Variants in UNC13B observed in about 807,000 individuals in gnomAD.
The protein encoded by UNC13B is unc-13 homolog B.
In UNC13B, 144 loss-of-function variants were observed where a neutral mutation model predicts 211.0. The ratio of observed to expected loss-of-function variants is 0.68; its 90% CI spans 0.60 to 0.78. The LOEUF (loss-of-function observed/expected upper bound fraction) is 0.78. Among genes scored for constraint, UNC13B ranks in the 30% least tolerant of loss-of-function variants. The pLI, the probability that UNC13B is intolerant of heterozygous loss-of-function variation, is 0.00. For synonymous variants in UNC13B, 709 were observed against 725.8 expected (o/e 0.98, Z 0.37); for missense variants, 1,777 against 2,002.0 (o/e 0.89, Z 2.14).
chr9:35,302,300 A>G lies in UNC13B; in HGVS notation c.2896A>G (p.Ile966Val), dbSNP rs1013641637. The change falls in exon 9 of 40, where the codon ATA becomes GTA. Residue 966 changes from isoleucine to valine, a missense_variant. Coordinates refer to ENST00000635942, the MANE Select transcript of UNC13B (RefSeq NM_001371189.2). ...TCCTGAAGATGCCAAACTTAATTCA[A>G]TAAAATCTAGTTCAGTTCCAAATAT... ...NCPEDAKLNS[I>V]KSSSVPNIHD... 4 of 398,566 alleles carry G rather than the reference A, an allele frequency of 1.0e-5. No individual in the cohort carries two copies. Among genetic ancestry groups the G allele is most frequent in the East Asian group, 3.6e-5 (1 of 28,042 alleles). The allele number at this position is 398,566 out of a possible 1,614,324, so 24.7% of individuals were successfully genotyped here.
chr9:35,172,836 G>T (rs915837349), intron 1 of UNC13B, among the ~76,000 whole-genome samples: 4 of 152,224 alleles, frequency 2.6e-5, no homozygotes, highest in Admixed American at 2.6e-4. Flanking sequence ...GAGGAAGTTT[G>T]TGCTAAGGTG....
intron 1 of UNC13B, among the ~76,000 whole-genome samples, chr9:35,189,613 C>T (rs951202726): frequency 1.3e-5 from 2 of 152,156 alleles, no homozygotes; most frequent in East Asian, 3.9e-4. Flanking sequence ...ACACAACACA[C>T]ATATAGCAAC....
At position 35,303,287 on chromosome 9, in the gene UNC13B, G is replaced by A. The variant is rs1205824465; in HGVS notation, c.3883G>A (p.Ala1295Thr). 1.5e-5 allele frequency: 6 copies of A among 398,438 alleles called. No individual in the cohort carries two copies. Among genetic ancestry groups the A allele is most frequent in the Non-Finnish European group, 1.8e-5 (4 of 225,804 alleles). The allele number at this position is 398,438 out of a possible 1,614,324, so 24.7% of individuals were successfully genotyped here. A position where few individuals can be genotyped will look rare whatever the true frequency, so the allele number is the denominator to read the frequency against. Residue 1295 changes from alanine (A) to threonine (T), a missense_variant, in exon 9 of 40, where the codon GCT becomes ACT. Physicochemically the swap from Ala to Thr is moderately conservative, Grantham distance 58. Coordinates refer to ENST00000635942, the MANE Select transcript of UNC13B (RefSeq NM_001371189.2). ...CTCTGAGAACATTGTACTTCACTGTGCTCCAAGTGCTCAGCTAGGTTTTTT... is the reference window on the plus strand; with the variant it reads ...CTCTGAGAACATTGTACTTCACTGTACTCCAAGTGCTCAGCTAGGTTTTTT... ...PSSENIVLHC[A>T]PSAQLGFLEK...
rs1463305133 is a variant in UNC13B at position 35,370,306 on chromosome 9, TTC to T, written c.9462-7_9462-6del. ...AGACTGACGGTCCTGACATATTTTC[TTC>T]TCTCCTCAGGCCAGCCGGAGGGCTC... On this transcript the variant is annotated splice_polypyrimidine_tract_variant and intron_variant, in intron 12 of 39. Transcript: ENST00000635942. 1 of 1,613,368 alleles carries T rather than the reference TTC, an allele frequency of 6.2e-7. No individual in the cohort carries two copies. Among genetic ancestry groups the T allele is most frequent in the East Asian group, 2.2e-5 (1 of 44,878 alleles).
chr9:35,290,989 T>G, intron 7 of UNC13B: 1 of 1,421,342 alleles, frequency 7.0e-7, no homozygotes, highest in Non-Finnish European at 9.7e-7. Context: ...TAATAATTGC[T>G]GAGATGGGGA....
At chr9:35,339,333 G>A (rs908942809) in intron 11 of UNC13B, among the ~76,000 whole-genome samples, 1 of 152,120 alleles carries the variant, frequency 6.6e-6, no homozygotes, top group African/African-American at 2.4e-5. Flanking sequence ...CCATCCTTTC[G>A]GCCTACTCAG....
At chr9:35,169,212 G>C (rs893162458) in intron 1 of UNC13B, among the ~76,000 whole-genome samples, 9 of 152,130 alleles carry the variant, frequency 5.9e-5, no homozygotes, top group African/African-American at 1.9e-4. Context: ...AAAATTAGCT[G>C]TGCGTGTTGA....
At position 35,390,633 on chromosome 9, in the gene UNC13B, C is replaced by G; in HGVS notation, c.11227C>G (p.Pro3743Ala). 1 of 1,613,826 alleles carries G rather than the reference C, an allele frequency of 6.2e-7. No individual in the cohort carries two copies. Among genetic ancestry groups the G allele is most frequent in the African/African-American group, 1.3e-5 (1 of 75,010 alleles). Residue 3743 changes from proline to alanine, a missense_variant, in exon 26 of 40, where the codon CCT becomes GCT. Physicochemically the swap from Pro to Ala is conservative, Grantham distance 27. Coordinates refer to ENST00000635942, the MANE Select transcript of UNC13B (RefSeq NM_001371189.2). ...NSYTPVLNQF[P>A]QELNVGKVSA... ...GTGGTTTCTTCTGTCATCCAGGTTT[C>G]CTCAGGAGTTGAATGTGGGAAAAGT...
chr9:35,165,839 C>T (rs889845630), intron 1 of UNC13B, among the ~76,000 whole-genome samples: 3 of 152,060 alleles, frequency 2.0e-5, no homozygotes, highest in Non-Finnish European at 2.9e-5. Flanking sequence ...ACTTATAATA[C>T]GGATACTTTT....
intron 11 of UNC13B, chr9:35,353,781 A>G: frequency 2.4e-6 from 3 of 1,231,998 alleles, no homozygotes; most frequent in Non-Finnish European, 3.0e-6. Flanking sequence ...CAGAAGGCAA[A>G]CCGTCTCTCA....
At chr9:35,367,380 A>G (rs1365610361) in intron 12 of UNC13B, among the ~76,000 whole-genome samples, 1 of 152,222 alleles carries the variant, frequency 6.6e-6, no homozygotes, top group Non-Finnish European at 1.5e-5. Flanking sequence ...TTTTGTAGGT[A>G]CATACTAGGT....
intron 1 of UNC13B, among the ~76,000 whole-genome samples, chr9:35,200,279 A>G (rs1322720710): frequency 3.3e-5 from 5 of 152,216 alleles, no homozygotes; most frequent in Non-Finnish European, 5.9e-5. Context: ...TGATGCCTCC[A>G]GCTTTGTTCT....
intron 7 of UNC13B, among the ~76,000 whole-genome samples, chr9:35,290,799 A>G (rs1050780148): frequency 6.6e-6 from 1 of 152,014 alleles, no homozygotes; most frequent in Non-Finnish European, 1.5e-5. Context: ...TGGAAGAAGT[A>G]ATTTTTTGTT....
intron 26 of UNC13B, among the ~76,000 whole-genome samples, chr9:35,391,537 A>G (rs932621318): frequency 3.9e-5 from 6 of 152,212 alleles, no homozygotes; most frequent in Admixed American, 6.5e-5. Flanking sequence ...AGATTGAAAG[A>G]AACCTTGAAG....
intron 1 of UNC13B, among the ~76,000 whole-genome samples, chr9:35,221,287 C>T (rs1370616389): frequency 1.3e-5 from 2 of 152,118 alleles, no homozygotes; most frequent in African/African-American, 4.8e-5. Context: ...CCAGGCTGGT[C>T]TGGAATTCCT....
chr9:35,236,649 C>A, intron 4 of UNC13B, 63 bp downstream of exon 4: 2 of 1,422,484 alleles, frequency 1.4e-6, no homozygotes, highest in Non-Finnish European at 2.0e-6. Context: ...CCCATGCTAG[C>A]TCCACTTTAG....
intron 1 of UNC13B, among the ~76,000 whole-genome samples, chr9:35,167,485 G>A (rs1821099265): frequency 6.6e-6 from 1 of 151,198 alleles, no homozygotes; most frequent in Non-Finnish European, 1.5e-5. Flanking sequence ...AGAGTATTCT[G>A]TTATATAAGC....
In UNC13B at chr9:35,278,764, A is replaced by G. The variant is rs573167196; in HGVS notation, c.527-16932A>G. Among the ~76,000 whole-genome samples the G allele has an allele frequency of 3.3e-5, 5 of 152,306 alleles. No homozygotes were observed. In the East Asian group the frequency reaches 9.6e-4, roughly 29 times the overall value. ...TTGAAAGGAAACATGTGCATAAGGT[A>G]CAAAATTCGATGTAAAAATGTATGC... is the stretch of plus-strand genomic sequence containing the variant. On this transcript the variant is annotated intron_variant, in intron 7 of 39. Coordinates refer to ENST00000635942, the MANE Select transcript of UNC13B (RefSeq NM_001371189.2).
At chr9:35,322,685 A>G (rs1830800923) in intron 11 of UNC13B, among the ~76,000 whole-genome samples, 1 of 152,124 alleles carries the variant, frequency 6.6e-6, no homozygotes, top group South Asian at 2.1e-4. Flanking sequence ...TCTATAATTG[A>G]AGCCTCAAAA....
Sources: gnomAD v4.1 joint callset for allele counts (sites outside exome capture counted in the v4.1 genomes callset) on GRCh38, gnomAD v4.1.1 for gene constraint, MANE v1.5 for transcripts, NCBI Gene and HGNC (gene_info 2026-07-23, HGNC 2026-07-21) for gene names.